Variants in TIAM1 observed in about 807,000 individuals in gnomAD.
TIAM1 encodes the protein rho guanine nucleotide exchange factor TIAM1.
A neutral mutation model predicts 163.5 loss-of-function variants in TIAM1; 65 were observed. The observed-to-expected ratio is 0.40, with a 90% CI of 0.33 to 0.49. The LOEUF (loss-of-function observed/expected upper bound fraction) is 0.49, where lower values mean the gene tolerates loss of function less well. Ranked by LOEUF, TIAM1 falls within the 20% of genes least tolerant of loss-of-function variation. The pLI, the probability that TIAM1 is intolerant of heterozygous loss-of-function variation, is 0.77. For missense variants in TIAM1, 1,789 were observed against 2,044.7 expected, an observed-to-expected ratio of 0.87 and a Z score of 2.41; for synonymous variants, 833 against 810.1, an observed-to-expected ratio of 1.03 and a Z score of -0.48.
chr21:31,192,323 G>C (rs1458160910), intron 13 of TIAM1, among the ~76,000 whole-genome samples: 1 of 152,062 alleles, frequency 6.6e-6, no homozygotes, highest in Non-Finnish European at 1.5e-5. Flanking sequence ...ATGCTAAAAA[G>C]CTTAATAACC....
intron 2 of TIAM1, among the ~76,000 whole-genome samples, chr21:31,439,176 G>A (rs999499737): frequency 6.6e-6 from 1 of 152,306 alleles, no homozygotes; most frequent in Non-Finnish European, 1.5e-5. Flanking sequence ...GGAACAGGGG[G>A]TAGCCACAGT....
chr21:31,182,694 C>T, intron 14 of TIAM1, 49 bp from the exon 15 acceptor site: 1 of 1,564,848 alleles, frequency 6.4e-7, no homozygotes, highest in South Asian at 1.2e-5. Context: ...ATTATCAGAA[C>T]ACAACAGCTT....
At chr21:31,397,198 C>T (rs1461702647) in intron 2 of TIAM1, among the ~76,000 whole-genome samples, 2 of 152,088 alleles carry the variant, frequency 1.3e-5, no homozygotes, top group African/African-American at 2.4e-5. Flanking sequence ...CTTTTATATT[C>T]TAAGCACTAT....
chr21:31,397,466 C>T (rs1193905746), intron 2 of TIAM1, among the ~76,000 whole-genome samples: 3 of 152,062 alleles, frequency 2.0e-5, no homozygotes, highest in Admixed American at 2.0e-4. Context: ...GAAGTAGAAA[C>T]CAATATACAA....
chr21:31,421,425 G>A (rs2043567127), intron 2 of TIAM1, among the ~76,000 whole-genome samples: 1 of 152,212 alleles, frequency 6.6e-6, no homozygotes, highest in African/African-American at 2.4e-5. Flanking sequence ...CACAGCAGGA[G>A]GTGGGCAGTG....
chr21:31,430,076 G>A (rs1270066602), intron 2 of TIAM1, among the ~76,000 whole-genome samples: 2 of 151,680 alleles, frequency 1.3e-5, no homozygotes, highest in Non-Finnish European at 2.9e-5. Context: ...GCGTGTTGGC[G>A]GGTACCTGTA....
At chr21:31,401,442 G>A (rs910384740) in intron 2 of TIAM1, among the ~76,000 whole-genome samples, 9 of 152,140 alleles carry the variant, frequency 5.9e-5, no homozygotes, top group African/African-American at 1.7e-4. Flanking sequence ...GCCTAGAGCC[G>A]AATATAAACA....
intron 12 of TIAM1, among the ~76,000 whole-genome samples, chr21:31,197,590 C>T (rs1327796584): frequency 4.1e-5 from 6 of 146,886 alleles, no homozygotes; most frequent in Non-Finnish European, 5.9e-5. Flanking sequence ...ACCATAGTCT[C>T]GATCTCCTGA....
chr21:31,394,714 TCTCTCTCTCTCTCTCACACA>T (rs1254143595), intron 2 of TIAM1, among the ~76,000 whole-genome samples: 2 of 118,488 alleles, frequency 1.7e-5, no homozygotes, highest in African/African-American at 6.7e-5. Context: ...TCTCGCTCTC[TCTCTCTCTCTCTCTCACACA>T]CACACACACA....
chr21:31,488,200 C>T (rs1197924780), intron 1 of TIAM1, among the ~76,000 whole-genome samples: 5 of 152,118 alleles, frequency 3.3e-5, no homozygotes, highest in Non-Finnish European at 5.9e-5. Flanking sequence ...ATGTCTATGC[C>T]GACGCTGGGC....
chr21:31,384,853 TG>T (rs2076838932), intron 2 of TIAM1, among the ~76,000 whole-genome samples: 1 of 152,132 alleles, frequency 6.6e-6, no homozygotes, highest in Admixed American at 6.6e-5. Context: ...TTTTTCAATG[TG>T]TATTAAAAAA....
At chr21:31,159,556 T>C (rs1199546636) in intron 16 of TIAM1, among the ~76,000 whole-genome samples, 1 of 152,222 alleles carries the variant, frequency 6.6e-6, no homozygotes. Flanking sequence ...TAAGCTTTTT[T>C]TGGGGACAAT....
chr21:31,543,743 T>C (rs2048395168), intron 1 of TIAM1, among the ~76,000 whole-genome samples: 1 of 152,174 alleles, frequency 6.6e-6, no homozygotes, highest in Admixed American at 6.5e-5. Flanking sequence ...GCTCAAAGGA[T>C]TTGAACAAGG....
chr21:31,335,267 C>T (rs2075801405), intron 2 of TIAM1, among the ~76,000 whole-genome samples: 1 of 152,114 alleles, frequency 6.6e-6, no homozygotes, highest in Non-Finnish European at 1.5e-5. Flanking sequence ...AATGAGATCC[C>T]TAATTTTGCA....
chr21:31,135,144 A>T (rs1233372532), intron 23 of TIAM1, among the ~76,000 whole-genome samples: 1 of 152,146 alleles, frequency 6.6e-6, no homozygotes, highest in East Asian at 1.9e-4. Flanking sequence ...GCTAGGACAA[A>T]ACGCAACCTA....
intron 6 of TIAM1, among the ~76,000 whole-genome samples, chr21:31,235,769 A>G (rs191802730): frequency 6.6e-6 from 1 of 152,382 alleles, no homozygotes; most frequent in Admixed American, 6.5e-5. Context: ...TTTGCATGAT[A>G]CATAACAGTA....
At chr21:31,380,012 C>T (rs2076750616) in intron 2 of TIAM1, among the ~76,000 whole-genome samples, 1 of 152,152 alleles carries the variant, frequency 6.6e-6, no homozygotes, top group African/African-American at 2.4e-5. Flanking sequence ...CCTGTAATCC[C>T]AGCACTTTTG....
intron 2 of TIAM1, among the ~76,000 whole-genome samples, chr21:31,365,110 G>C (rs2076476720): frequency 6.6e-6 from 1 of 152,042 alleles, no homozygotes; most frequent in African/African-American, 2.4e-5. Flanking sequence ...GATCTTACAA[G>C]AATCAGTGGA....
In TIAM1 at chr21:31,387,983, AGT is replaced by A. The variant is rs372010478; in HGVS notation, c.-368-48563_-368-48562del. ...TTCTCATGAGATCTGGTTGTTTAAA[AGT>A]GTGTGGCACCTTCTCTCACTCTGTT... On this transcript the variant is annotated intron_variant, in intron 2 of 28. Coordinates refer to the TIAM1 transcript ENST00000286827. 3.3e-3 allele frequency among the ~76,000 whole-genome samples: 505 copies of A among 152,130 alleles called. 3 individuals are homozygous for A. The highest frequency in any genetic ancestry group is 0.012 in the African/African-American group (484 of 41,482).
Sources: allele counts gnomAD v4.1 joint callset (sites outside exome capture counted in the v4.1 genomes callset), GRCh38; gene constraint gnomAD v4.1.1; transcripts MANE v1.5; gene names NCBI Gene and HGNC (gene_info 2026-07-23, HGNC 2026-07-21).